PPP4R4: variants seen among roughly 807,000 people sequenced by gnomAD.
The protein encoded by PPP4R4 is protein phosphatase 4 regulatory subunit 4.
Under a neutral mutation model 121.8 loss-of-function variants are expected in PPP4R4, and 70 were observed. The observed-to-expected ratio is 0.57, with a 90% confidence interval of 0.47 to 0.70. The LOEUF (loss-of-function observed/expected upper bound fraction) is 0.70. Ranked by LOEUF, PPP4R4 falls within the 30% of genes least tolerant of loss-of-function variation. The probability of loss-of-function intolerance (pLI) is 0.00; values close to 1 mark genes in which losing one functional copy is unlikely to be tolerated. For missense variants in PPP4R4, 875 were observed against 1,033.6 expected, an observed-to-expected ratio of 0.85 and a Z score of 2.10; for synonymous variants, 348 against 355.7, an observed-to-expected ratio of 0.98 and a Z score of 0.24.
intron 16 of PPP4R4, among the ~76,000 whole-genome samples, chr14:94,253,377 A>G (rs915423403): frequency 9.2e-5 from 14 of 152,108 alleles, no homozygotes; most frequent in African/African-American, 3.4e-4. Flanking sequence ...GGAGAATCGT[A>G]TGAACCTGGG....
chr14:94,213,432 T>C (rs958666418), intron 3 of PPP4R4, among the ~76,000 whole-genome samples: 1 of 152,090 alleles, frequency 6.6e-6, no homozygotes, highest in African/African-American at 2.4e-5. Context: ...ATTACTTAAG[T>C]GGTGTGGTAG....
intron 2 of PPP4R4, among the ~76,000 whole-genome samples, chr14:94,190,051 T>C (rs1009926501): frequency 6.8e-6 from 1 of 147,866 alleles, no homozygotes; most frequent in South Asian, 2.1e-4. Context: ...CTTTTATCTT[T>C]TTTTTTTTTT....
At chr14:94,180,070 A>G (rs1053882413) in intron 2 of PPP4R4, among the ~76,000 whole-genome samples, 2 of 152,132 alleles carry the variant, frequency 1.3e-5, no homozygotes, top group African/African-American at 4.8e-5. Flanking sequence ...TGTAAAGTGG[A>G]AATAATCATT....
At chr14:94,181,311 A>G (rs1476050759) in intron 2 of PPP4R4, among the ~76,000 whole-genome samples, 1 of 152,090 alleles carries the variant, frequency 6.6e-6, no homozygotes, top group Admixed American at 6.6e-5. Context: ...GTATATGTGT[A>G]TATAGGTGGT....
At chr14:94,258,336 A>AAT (rs1358260056) in intron 17 of PPP4R4, among the ~76,000 whole-genome samples, 2 of 152,200 alleles carry the variant, frequency 1.3e-5, no homozygotes, top group Admixed American at 1.3e-4. Context: ...AAATTGAGAG[A>AAT]ATATTTTCAG....
At chr14:94,267,891 A>T (rs1280161741) in intron 23 of PPP4R4, among the ~76,000 whole-genome samples, 1 of 152,130 alleles carries the variant, frequency 6.6e-6, no homozygotes, top group Non-Finnish European at 1.5e-5. Context: ...GGAGGAATGT[A>T]TATACTCATT....
intron 16 of PPP4R4, among the ~76,000 whole-genome samples, chr14:94,256,258 G>A (rs181752636): frequency 2.0e-3 from 300 of 152,226 alleles, no homozygotes; most frequent in Non-Finnish European, 2.9e-3. Flanking sequence ...AGTTCCAGGA[G>A]AGCAGAGAAT....
Position 94,265,000 on chromosome 14 carries a change from C to A in PPP4R4, c.2197+53C>A, listed in dbSNP as rs878863965. 89 of 1,285,338 alleles carry A rather than the reference C, an allele frequency of 6.9e-5. No homozygotes were observed. The South Asian group carries it at 1.1e-3, about 16-fold the overall frequency. The allele number at this position is 1,285,338 out of a possible 1,614,324, so 79.6% of individuals were successfully genotyped here. ...CTTAATTACATAATTAATGTTGCAT[C>A]CTGGTATTCTGAAAGACCATGCTGA... On this transcript the variant is annotated intron_variant, in intron 20 of 24. Transcript: ENST00000304338.
Position 94,267,899 on chromosome 14 carries a change from A to G in PPP4R4, c.2449+870A>G, listed in dbSNP as rs1333736750. On this transcript the variant is annotated intron_variant, in intron 23 of 24. Transcript: ENST00000304338. ...ATTCTTAGGAGGAATGTATATACTC[A>G]TTGGCTCTTCTGTAAACTGGTTCAT... Among the ~76,000 whole-genome samples, 3 of 152,202 alleles carry G rather than the reference A, an allele frequency of 2.0e-5. No individual in the cohort carries two copies. The East Asian group carries it at 5.8e-4, about 29-fold the overall frequency.
intron 4 of PPP4R4, 117 bp downstream of exon 4, chr14:94,230,851 A>G (rs1891992245): frequency 2.5e-6 from 3 of 1,206,314 alleles, no homozygotes; most frequent in Middle Eastern, 2.1e-4. Context: ...CATGCTGCCT[A>G]GGAGTTGAGC....
At chr14:94,195,221 G>A (rs1276370923) in intron 2 of PPP4R4, among the ~76,000 whole-genome samples, 1 of 152,080 alleles carries the variant, frequency 6.6e-6, no homozygotes, top group African/African-American at 2.4e-5. Context: ...GACTCTCACT[G>A]TGTGATCCCC....
chr14:94,244,783 CCTT>C, intron 12 of PPP4R4, 71 bp downstream of exon 12: 2 of 1,366,462 alleles, frequency 1.5e-6, no homozygotes, highest in African/African-American at 1.5e-5. Flanking sequence ...CCTTTTCTCC[CCTT>C]CTTCTTGGAA....
At chr14:94,231,423 T>A (rs752410744) in intron 5 of PPP4R4, 108 bp downstream of exon 5, 19 of 905,840 alleles carry the variant, frequency 2.1e-5, no homozygotes, top group Non-Finnish European at 2.4e-5. Flanking sequence ...GTTTTTCATT[T>A]TGAATGTAAC....
At chr14:94,175,569 G>GT (rs968929864) in intron 1 of PPP4R4, 6 of 155,760 alleles carry the variant, frequency 3.9e-5, no homozygotes, top group East Asian at 3.7e-4. Context: ...CAAATCTCTG[G>GT]TTTTTTTCCA....
At chr14:94,257,265 A>T (rs1251010563) in intron 17 of PPP4R4, among the ~76,000 whole-genome samples, 1 of 152,114 alleles carries the variant, frequency 6.6e-6, no homozygotes, top group Non-Finnish European at 1.5e-5. Context: ...CACATCTTAG[A>T]ATAATTTTTA....
At chr14:94,245,485 G>GAAA in intron 12 of PPP4R4, 102 bp from the exon 13 acceptor site, 1 of 443,564 alleles carries the variant, frequency 2.3e-6, no homozygotes, top group Non-Finnish European at 3.9e-6. Context: ...TTATTTGGGG[G>GAAA]AAAAAAAAAA....
chr14:94,175,140 C>T (rs1294529465), intron 1 of PPP4R4, among the ~76,000 whole-genome samples: 2 of 151,790 alleles, frequency 1.3e-5, no homozygotes, highest in South Asian at 2.1e-4. Context: ...CCCGGAGACA[C>T]CACCCCGCGT....
At chr14:94,195,874 ATTATAATTTT>A (rs1379304036) in intron 2 of PPP4R4, among the ~76,000 whole-genome samples, 1 of 152,118 alleles carries the variant, frequency 6.6e-6, no homozygotes, top group Admixed American at 6.5e-5. Flanking sequence ...GATTATGGTG[ATTATAATTTT>A]TTATAATTTT....
At chr14:94,178,828 T>A (rs1444399925) in intron 2 of PPP4R4, among the ~76,000 whole-genome samples, 1 of 152,224 alleles carries the variant, frequency 6.6e-6, no homozygotes, top group Non-Finnish European at 1.5e-5. Context: ...TTTCTCTTCT[T>A]TGTGATTTTG....
Sources: gnomAD v4.1 joint callset for allele counts (sites outside exome capture counted in the v4.1 genomes callset) on GRCh38, gnomAD v4.1.1 for gene constraint, MANE v1.5 for transcripts, NCBI Gene and HGNC (gene_info 2026-07-23, HGNC 2026-07-21) for gene names.